EYS: variants seen among roughly 807,000 people sequenced by gnomAD.
EYS encodes EGF-like photoreceptor maintenance factor, also known as protein eyes shut homolog.
Under a neutral mutation model 282.1 loss-of-function variants are expected in EYS, and 250 were observed. The ratio of observed to expected loss-of-function variants is 0.89; its 90% confidence interval spans 0.80 to 0.98. The LOEUF is 0.98. Among genes scored for constraint, EYS ranks in the 50% least tolerant of loss-of-function variants. EYS has a pLI of 0.00. For synonymous variants in EYS, 1,355 were observed against 1,282.9 expected, an observed-to-expected ratio of 1.06 and a Z score of -1.20; for missense variants, 4,016 against 3,709.0, an observed-to-expected ratio of 1.08 and a Z score of -2.15.
intron 19 of EYS, among the ~76,000 whole-genome samples, chr6:64,869,476 T>TA (rs1347687271): frequency 9.9e-5 from 15 of 151,176 alleles, no homozygotes; most frequent in South Asian, 2.1e-4. Context: ...GAAGAAAATT[T>TA]AAAAAAAAGA....
chr6:65,022,844 G>C (rs1772289453), intron 13 of EYS, among the ~76,000 whole-genome samples: 1 of 151,892 alleles, frequency 6.6e-6, no homozygotes, highest in South Asian at 2.1e-4. Flanking sequence ...ATAGTACAAT[G>C]GAGGGAGGGA....
At chr6:65,104,305 A>C (rs1296551557) in intron 12 of EYS, among the ~76,000 whole-genome samples, 1 of 151,410 alleles carries the variant, frequency 6.6e-6, no homozygotes, top group Non-Finnish European at 1.5e-5. Flanking sequence ...TGTGTCCTTC[A>C]ATGTTTAGAA....
At chr6:65,675,875 G>A (rs1052410660) in intron 1 of EYS, among the ~76,000 whole-genome samples, 1 of 151,720 alleles carries the variant, frequency 6.6e-6, no homozygotes, top group Admixed American at 6.6e-5. Flanking sequence ...AATTTAAAAC[G>A]ATTGAAATCA....
intron 2 of EYS, among the ~76,000 whole-genome samples, chr6:65,529,296 A>C (rs2127306522): frequency 6.6e-6 from 1 of 152,256 alleles, no homozygotes; most frequent in South Asian, 2.1e-4. Context: ...ATTCTGTGTA[A>C]GTAACCACTC....
At chr6:65,633,470 C>G (rs1018129148) in intron 2 of EYS, among the ~76,000 whole-genome samples, 1 of 152,082 alleles carries the variant, frequency 6.6e-6, no homozygotes, top group African/African-American at 2.4e-5. Context: ...TTTAATTCTC[C>G]CACTAATCTG....
chr6:63,805,561 G>A (rs1307749432), intron 37 of EYS, among the ~76,000 whole-genome samples: 1 of 152,158 alleles, frequency 6.6e-6, no homozygotes, highest in Non-Finnish European at 1.5e-5. Context: ...CTGTCCTCAT[G>A]TTTGCCTGTA....
intron 30 of EYS, among the ~76,000 whole-genome samples, chr6:64,299,176 C>T (rs976764453): frequency 6.6e-6 from 1 of 152,208 alleles, no homozygotes; most frequent in Non-Finnish European, 1.5e-5. Flanking sequence ...AGTTTATCTA[C>T]ATAGCTTGTT....
intron 41 of EYS, among the ~76,000 whole-genome samples, chr6:63,737,730 G>T (rs992961637): frequency 6.6e-6 from 1 of 151,652 alleles, no homozygotes; most frequent in Non-Finnish European, 1.5e-5. Flanking sequence ...GACTCTTTTT[G>T]GTTGGTAAGC....
At chr6:64,052,275 T>A (rs1421949055) in intron 33 of EYS, among the ~76,000 whole-genome samples, 1 of 152,182 alleles carries the variant, frequency 6.6e-6, no homozygotes, top group Non-Finnish European at 1.5e-5. Context: ...GAAAACTTTT[T>A]AATTAAGCAC....
chr6:64,316,301 TTGAG>T (rs1223163364), intron 29 of EYS, among the ~76,000 whole-genome samples: 3 of 152,160 alleles, frequency 2.0e-5, no homozygotes, highest in Non-Finnish European at 2.9e-5. Context: ...GATGATGTGA[TTGAG>T]TATTACCAAA....
At chr6:65,112,556 G>T (rs543939108) in intron 12 of EYS, among the ~76,000 whole-genome samples, 10 of 152,266 alleles carry the variant, frequency 6.6e-5, no homozygotes, top group Middle Eastern at 3.4e-3. Context: ...TGAAATAAAT[G>T]TGATTCAATA....
chr6:64,525,581 G>T (rs182516824), intron 26 of EYS, among the ~76,000 whole-genome samples: 4,065 of 151,730 alleles, frequency 0.027, 82 homozygotes, highest in Middle Eastern at 0.061. Context: ...ACTGGGCTTA[G>T]TACCTGGGTG....
At chr6:64,951,220 G>A (rs986647923) in intron 14 of EYS, among the ~76,000 whole-genome samples, 1 of 151,726 alleles carries the variant, frequency 6.6e-6, no homozygotes, top group African/African-American at 2.4e-5. Context: ...ATAAAAGTTG[G>A]AGTTTAGGGC....
chr6:64,854,746 A>C (rs1278540522), intron 19 of EYS, among the ~76,000 whole-genome samples: 1 of 151,912 alleles, frequency 6.6e-6, no homozygotes, highest in African/African-American at 2.4e-5. Flanking sequence ...ATATAATAAT[A>C]AAAAAAAGAA....
intron 41 of EYS, among the ~76,000 whole-genome samples, chr6:63,740,366 G>T (rs149461893): frequency 3.2e-4 from 48 of 152,290 alleles, no homozygotes; most frequent in Middle Eastern, 6.8e-3. Context: ...GACGTGACTT[G>T]CTCCTCCTTG....
intron 14 of EYS, among the ~76,000 whole-genome samples, chr6:64,981,280 A>G (rs2150116699): frequency 6.6e-6 from 1 of 151,578 alleles, no homozygotes; most frequent in Admixed American, 6.6e-5. Context: ...AAGAAAACCT[A>G]AAACTTAAGT....
chr6:65,233,230 T>A (rs1042091430), intron 12 of EYS, among the ~76,000 whole-genome samples: 3 of 152,188 alleles, frequency 2.0e-5, no homozygotes, highest in Non-Finnish European at 4.4e-5. Context: ...TATTTTCTTG[T>A]TTCTTTGCAT....
chr6:64,708,869 T>C (rs922194819), intron 22 of EYS, among the ~76,000 whole-genome samples: 1 of 152,214 alleles, frequency 6.6e-6, no homozygotes, highest in African/African-American at 2.4e-5. Context: ...CCTTAGATCC[T>C]ACCAGAATTT....
chr6:63,781,243 G>T lies in EYS; in HGVS notation c.7724-3063C>A, dbSNP rs149429971. 1.8e-3 allele frequency among the ~76,000 whole-genome samples: 281 copies of T among 152,210 alleles called. 5 individuals are homozygous for T. The East Asian group carries it at 0.043, about 23-fold the overall frequency. On this transcript the variant is annotated intron_variant, in intron 39 of 42. Transcript: ENST00000503581. ...TCTGGGCAATATGGGCTCTTTTTTG[G>T]TTCCATATGAACTTTAAAGTAGTTT...
Sources: allele counts gnomAD v4.1 joint callset (sites outside exome capture counted in the v4.1 genomes callset), GRCh38; gene constraint gnomAD v4.1.1; transcripts MANE v1.5; gene names NCBI Gene and HGNC (gene_info 2026-07-23, HGNC 2026-07-21).